KIAA0586: variants seen among roughly 807,000 people sequenced by gnomAD.
KIAA0586 encodes KIAA0586.
Under a neutral mutation model 169.8 loss-of-function variants are expected in KIAA0586, and 144 were observed. The observed-to-expected ratio is 0.85, with a 90% CI of 0.74 to 0.97. The LOEUF is 0.97. KIAA0586 is among the 50% of genes least tolerant of loss of function. KIAA0586 has a pLI of 0.00. For missense variants in KIAA0586, 1,854 were observed against 1,823.0 expected (o/e 1.02, Z -0.31); for synonymous variants, 625 against 612.4 (o/e 1.02, Z -0.30).
rs139517543 is a variant in KIAA0586 at position 58,484,235 on chromosome 14, T to A, written c.3144+1523T>A. On this transcript the variant is annotated intron_variant, in intron 21 of 30. Transcript: ENST00000652326. ...TTTGCTGAAATCTGCTTCCTAAATA[T>A]GTAGTAGGGCAAGCACTACTCGCAG... is the stretch of plus-strand genomic sequence containing the variant. Among the ~76,000 whole-genome samples the A allele has an allele frequency of 4.5e-4, 69 of 152,320 alleles. No individual in the cohort carries two copies. In the East Asian group the frequency reaches 0.01, roughly 23 times the overall value.
intron 29 of KIAA0586, among the ~76,000 whole-genome samples, chr14:58,514,363 A>G (rs2044604493): frequency 6.6e-6 from 1 of 152,076 alleles, no homozygotes; most frequent in East Asian, 1.9e-4. Flanking sequence ...GAAGATAATG[A>G]AGGAAATTCA....
At chr14:58,553,333 G>A (rs551138002), downstream of KIAA0586, among the ~76,000 whole-genome samples, 2 of 152,254 alleles carry the variant, frequency 1.3e-5, no homozygotes, top group South Asian at 4.2e-4. Context: ...ATGGATAACA[G>A]GTCCAGAAAG....
At chr14:58,494,868 G>A (rs1330307805) in intron 26 of KIAA0586, among the ~76,000 whole-genome samples, 1 of 152,088 alleles carries the variant, frequency 6.6e-6, no homozygotes. Context: ...ATTTGCAGCT[G>A]GGGTTGTTAA....
chr14:58,511,788 T>A (rs79851340), intron 28 of KIAA0586, among the ~76,000 whole-genome samples: 7,901 of 152,246 alleles, frequency 0.052, 269 homozygotes, highest in South Asian at 0.11. Flanking sequence ...TGGACAGATG[T>A]TTTAGATTCT....
Position 58,465,906 on chromosome 14 carries a change from A to G in KIAA0586, c.2131A>G (p.Met711Val), listed in dbSNP as rs773049862. 1.9e-5 allele frequency: 31 copies of G among 1,613,076 alleles called. No individual in the cohort carries two copies. Among genetic ancestry groups the G allele is most frequent in the Admixed American group, 5.0e-5 (3 of 59,960 alleles). Reference protein sequence around the residue: ...ATKPKKMDSKMKHSVPVLPHG... With the variant: ...ATKPKKMDSKVKHSVPVLPHG... The stretch of plus-strand genomic sequence containing the variant: ...AAAACCTAAGAAGATGGATTCTAAA[A>G]TGAAACATTCTGTTCCTGTGTTACC... The change falls in exon 15 of 31, where the codon ATG becomes GTG. Residue 711 changes from methionine (M) to valine (V), a missense_variant. Met to Val is a conservative substitution (Grantham distance 21). Transcript: ENST00000652326.
chr14:58,514,837 A>T (rs540632833), intron 29 of KIAA0586, among the ~76,000 whole-genome samples: 77 of 152,166 alleles, frequency 5.1e-4, no homozygotes, highest in African/African-American at 1.8e-3. Context: ...AGTACTTTTT[A>T]AAAAAGTATT....
At chr14:58,521,530 C>T (rs943137253) in intron 29 of KIAA0586, 51 of 791,410 alleles carry the variant, frequency 6.4e-5, no homozygotes, top group Admixed American at 5.8e-4. Context: ...TCCTATTGCT[C>T]GGGCTGTAGT....
At chr14:58,439,637 A>G (rs2038132306) in intron 4 of KIAA0586, 1 of 153,808 alleles carries the variant, frequency 6.5e-6, no homozygotes, top group Non-Finnish European at 1.4e-5. Flanking sequence ...CTCTTCATGC[A>G]ATTGTGATGA....
At chr14:58,437,966 G>A (rs1440320124) in intron 4 of KIAA0586, among the ~76,000 whole-genome samples, 1 of 152,152 alleles carries the variant, frequency 6.6e-6, no homozygotes, top group African/African-American at 2.4e-5. Context: ...AGAGATGTAG[G>A]GGGTATGGTG....
chr14:58,427,671 C>G (rs923173865), upstream of KIAA0586: 107 of 1,535,464 alleles, frequency 7.0e-5, no homozygotes, highest in Non-Finnish European at 9.1e-5. Context: ...TGTTGTGTCT[C>G]AAGGGCGGGT....
At chr14:58,485,398 A>T (rs1054232619) in intron 21 of KIAA0586, among the ~76,000 whole-genome samples, 33 of 152,160 alleles carry the variant, frequency 2.2e-4, no homozygotes, top group African/African-American at 7.7e-4. Context: ...AAAGTTTGAT[A>T]AATCTGGGGG....
intron 29 of KIAA0586, among the ~76,000 whole-genome samples, chr14:58,527,802 T>C (rs913108161): frequency 7.9e-5 from 12 of 152,166 alleles, no homozygotes; most frequent in African/African-American, 2.9e-4. Flanking sequence ...CGTCAACTAA[T>C]GGGCAAAATA....
At chr14:58,441,690 G>T (rs773482939) in intron 4 of KIAA0586, among the ~76,000 whole-genome samples, 29 of 152,080 alleles carry the variant, frequency 1.9e-4, no homozygotes, top group Non-Finnish European at 3.5e-4. Flanking sequence ...CTAGAGTGCA[G>T]TGGTGCCATC....
At chr14:58,527,792 C>T (rs138894628) in intron 29 of KIAA0586, among the ~76,000 whole-genome samples, 5 of 152,226 alleles carry the variant, frequency 3.3e-5, no homozygotes, top group African/African-American at 4.8e-5. Context: ...GAAGAAACTG[C>T]GTCAACTAAT....
At chr14:58,493,194 A>G (rs1214359077) in intron 26 of KIAA0586, among the ~76,000 whole-genome samples, 1 of 152,156 alleles carries the variant, frequency 6.6e-6, no homozygotes, top group Non-Finnish European at 1.5e-5. Context: ...CATAGGATTG[A>G]CAGTAATTGG....
At chr14:58,524,460 G>T (rs1328327548) in intron 29 of KIAA0586, among the ~76,000 whole-genome samples, 1 of 152,150 alleles carries the variant, frequency 6.6e-6, no homozygotes, top group Non-Finnish European at 1.5e-5. Flanking sequence ...CTGAGACGGG[G>T]CCTGGGAATG....
intron 28 of KIAA0586, among the ~76,000 whole-genome samples, chr14:58,509,004 G>A (rs1265894250): frequency 2.0e-5 from 3 of 152,156 alleles, no homozygotes; most frequent in Non-Finnish European, 2.9e-5. Context: ...TTGAGACAGT[G>A]GATCGCTTGA....
intron 27 of KIAA0586, among the ~76,000 whole-genome samples, chr14:58,507,609 T>A (rs993735798): frequency 1.3e-5 from 2 of 151,846 alleles, no homozygotes; most frequent in Non-Finnish European, 2.9e-5. Flanking sequence ...TACAATGATG[T>A]CTAACCTATC....
At chr14:58,514,767 C>T (rs1039133273) in intron 29 of KIAA0586, among the ~76,000 whole-genome samples, 3 of 152,016 alleles carry the variant, frequency 2.0e-5, no homozygotes, top group South Asian at 2.1e-4. Flanking sequence ...TCTTTGACCA[C>T]GTGATACCAC....
Sources: gnomAD v4.1 joint callset for allele counts (sites outside exome capture counted in the v4.1 genomes callset) on GRCh38, gnomAD v4.1.1 for gene constraint, MANE v1.5 for transcripts, NCBI Gene and HGNC (gene_info 2026-07-23, HGNC 2026-07-21) for gene names.